RANBP2: variants seen among roughly 807,000 people sequenced by gnomAD.
The protein encoded by RANBP2 is E3 SUMO-protein ligase RanBP2.
A neutral mutation model predicts 303.6 loss-of-function variants in RANBP2; 57 were observed. The ratio of observed to expected loss-of-function variants is 0.19; its 90% CI spans 0.15 to 0.23. RANBP2 has a LOEUF of 0.23. Among genes scored for constraint, RANBP2 ranks in the 10% least tolerant of loss-of-function variants. The probability of loss-of-function intolerance (pLI) is 1.00; values close to 1 mark genes in which losing one functional copy is unlikely to be tolerated. For missense variants in RANBP2, 3,138 were observed against 3,780.8 expected, an observed-to-expected ratio of 0.83 and a Z score of 4.46; for synonymous variants, 1,167 against 1,301.5, an observed-to-expected ratio of 0.90 and a Z score of 2.23.
At chr2:109,585,133 CTTTAT>C in the RANBP2 span, 1 of 1,571,538 alleles carries the variant, frequency 6.4e-7, no homozygotes, top group Non-Finnish European at 8.6e-7. Context: ...TACCTCTCTT[CTTTAT>C]TTATTTGGTC....
the RANBP2 span, among the ~76,000 whole-genome samples, chr2:109,277,804 C>T: frequency 1.3e-5 from 2 of 152,174 alleles, no homozygotes. Context: ...TTATACCTGG[C>T]AGTCTTACCT....
At chr2:109,181,111 A>G in the RANBP2 span, among the ~76,000 whole-genome samples, 1 of 152,166 alleles carries the variant, frequency 6.6e-6, no homozygotes, top group Non-Finnish European at 1.5e-5. Context: ...TGGTGAGGAG[A>G]AGTGATGGCT....
In RANBP2 at chr2:108,767,222, A is replaced by T; in HGVS notation, c.6683A>T (p.Asp2228Val). Residue 2228 changes from aspartate (D) to valine (V), a missense_variant, in exon 20 of 29, where the codon GAT (aspartate) becomes GTT (valine). Asp to Val is a radical substitution (Grantham distance 152). This residue lies in a region of RANBP2 where 72 missense variants were observed against 86.8 expected (regional missense o/e 0.83). Coordinates refer to ENST00000283195, the MANE Select transcript of RANBP2 (RefSeq NM_006267.5). Reference protein sequence around the residue: ...TGPTLEWDNYDLREDALDDSV... With the variant: ...TGPTLEWDNYVLREDALDDSV... ...CCCACATTAGAATGGGATAACTATGATTTAAGGGAAGATGCTTTGGATGAT... is the reference window on the plus strand; with the variant it reads ...CCCACATTAGAATGGGATAACTATGTTTTAAGGGAAGATGCTTTGGATGAT... 1 of 1,612,060 alleles carries T rather than the reference A, an allele frequency of 6.2e-7. No homozygotes were observed. The highest frequency in any genetic ancestry group is 8.5e-7 in the Non-Finnish European group (1 of 1,179,870).
the RANBP2 span, among the ~76,000 whole-genome samples, chr2:109,401,274 G>A: frequency 6.6e-6 from 1 of 152,102 alleles, no homozygotes; most frequent in Non-Finnish European, 1.5e-5. Flanking sequence ...AAGTTGTGTT[G>A]TGAAACAAAT....
At chr2:109,369,028 G>C in the RANBP2 span, among the ~76,000 whole-genome samples, 1 of 152,122 alleles carries the variant, frequency 6.6e-6, no homozygotes. Context: ...CCACTCTAGT[G>C]TCCTCGTGGT....
At chr2:109,058,768 G>A in the RANBP2 span, among the ~76,000 whole-genome samples, 10 of 152,278 alleles carry the variant, frequency 6.6e-5, no homozygotes, top group Admixed American at 3.9e-4. Flanking sequence ...GAGAGGAGAC[G>A]GGCAGAGAGT....
the RANBP2 span, among the ~76,000 whole-genome samples, chr2:109,477,108 G>A: frequency 2.0e-4 from 30 of 152,256 alleles, no homozygotes; most frequent in Admixed American, 9.2e-4. Flanking sequence ...ATGTTACCTA[G>A]CCCCTACTCA....
chr2:109,454,922 G>GA, the RANBP2 span, among the ~76,000 whole-genome samples: 218 of 144,494 alleles, frequency 1.5e-3, 1 homozygote, highest in South Asian at 9.6e-3. Flanking sequence ...TTATGGGCCA[G>GA]AAAAAAAAAA....
At chr2:109,074,488 C>T in the RANBP2 span, among the ~76,000 whole-genome samples, 5 of 150,560 alleles carry the variant, frequency 3.3e-5, no homozygotes, top group Admixed American at 2.0e-4. Context: ...TCACTTGAGA[C>T]CAGGAGTTCA....
chr2:109,429,937 C>A, the RANBP2 span, among the ~76,000 whole-genome samples: 1 of 152,200 alleles, frequency 6.6e-6, no homozygotes. Flanking sequence ...CGGGTGTAGC[C>A]GCAGCCAATC....
chr2:109,032,718 T>C, the RANBP2 span, among the ~76,000 whole-genome samples: 1 of 152,206 alleles, frequency 6.6e-6, no homozygotes, highest in Non-Finnish European at 1.5e-5. Flanking sequence ...GAAACTCCTG[T>C]AGCAACTCAC....
At chr2:109,036,464 A>G in the RANBP2 span, among the ~76,000 whole-genome samples, 1 of 152,236 alleles carries the variant, frequency 6.6e-6, no homozygotes, top group African/African-American at 2.4e-5. Context: ...CTAATACAGC[A>G]TCGTATATAA....
chr2:109,688,944 G>A, the RANBP2 span, among the ~76,000 whole-genome samples: 3 of 142,464 alleles, frequency 2.1e-5, no homozygotes, highest in Non-Finnish European at 3.0e-5. Flanking sequence ...AGTTTCACTC[G>A]TCACCCAGGC....
the RANBP2 span, among the ~76,000 whole-genome samples, chr2:109,427,531 C>T: frequency 1.5e-4 from 23 of 152,296 alleles, no homozygotes; most frequent in Admixed American, 1.2e-3. Context: ...GGTGAGGCCC[C>T]AGAATCTCTA....
At chr2:109,680,852 C>T in the RANBP2 span, among the ~76,000 whole-genome samples, 20 of 152,166 alleles carry the variant, frequency 1.3e-4, no homozygotes, top group Non-Finnish European at 1.2e-4. Flanking sequence ...TTGGCAAGGA[C>T]GCAGAGCAAG....
the RANBP2 span, among the ~76,000 whole-genome samples, chr2:109,168,692 T>C: frequency 1.0e-3 from 155 of 152,236 alleles, no homozygotes; most frequent in African/African-American, 3.6e-3. Context: ...TTCCCTTCTC[T>C]TGGGTCTGTT....
the RANBP2 span, among the ~76,000 whole-genome samples, chr2:109,517,531 A>G: frequency 3.9e-5 from 6 of 152,206 alleles, no homozygotes; most frequent in East Asian, 9.6e-4. Flanking sequence ...AGCCCTGTGC[A>G]GGGAACAGCA....
At chr2:109,718,546 G>T in the RANBP2 span, among the ~76,000 whole-genome samples, 8 of 152,170 alleles carry the variant, frequency 5.3e-5, no homozygotes, top group African/African-American at 1.4e-4. Context: ...GTTGCTCAGG[G>T]TTGGGAATGG....
In RANBP2 at chr2:108,784,728, A is replaced by G. The variant is rs10164715; in HGVS notation, c.*827A>G. On this transcript the variant is annotated 3_prime_UTR_variant, in exon 29 of 29. Coordinates refer to ENST00000283195, the MANE Select transcript of RANBP2 (RefSeq NM_006267.5). ...CTTTCGTTAAAGATTTGCTTTATAC[A>G]AGATTGTTGCAGTACCTTTTTCTGG... The G allele has an allele frequency of 0.094, 14,351 of 152,650 alleles. 2,277 individuals are homozygous for G. Among genetic ancestry groups the G allele is most frequent in the African/African-American group, 0.32 (13,420 of 41,470 alleles). The allele number at this position is 152,650 out of a possible 1,614,324, so 9.5% of individuals were successfully genotyped here. A position where few individuals can be genotyped will look rare whatever the true frequency, so the allele number is the denominator to read the frequency against.
Sources: gnomAD v4.1 joint callset for allele counts (sites outside exome capture counted in the v4.1 genomes callset) on GRCh38, gnomAD v4.1.1 for gene constraint, gnomAD v4.1.1 regional missense constraint, MANE v1.5 for transcripts, NCBI Gene and HGNC (gene_info 2026-07-23, HGNC 2026-07-21) for gene names.